SPINK5: variants seen among roughly 807,000 people sequenced by gnomAD.
The protein encoded by SPINK5 is serine protease inhibitor Kazal-type 5.
Under a neutral mutation model 151.8 loss-of-function variants are expected in SPINK5, and 125 were observed. The ratio of observed to expected loss-of-function variants is 0.82; its 90% CI spans 0.71 to 0.96. The LOEUF (loss-of-function observed/expected upper bound fraction) is 0.96, where lower values mean the gene tolerates loss of function less well. SPINK5 is among the 40% of genes least tolerant of loss of function. The probability of loss-of-function intolerance (pLI) is 0.00; values close to 1 mark genes in which losing one functional copy is unlikely to be tolerated. For synonymous variants in SPINK5, 374 were observed against 395.3 expected (o/e 0.95, Z 0.64); for missense variants, 1,194 against 1,291.9 (o/e 0.92, Z 1.16).
At position 148,070,406 on chromosome 5, in the gene SPINK5, T is replaced by G. The variant is rs1419424149; in HGVS notation, c.165T>G (p.Asp55Glu). Residue 55 changes from aspartate (D) to glutamate (E), a missense_variant, in exon 3 of 33, where the codon GAT (aspartate) becomes GAG (glutamate). Physicochemically the swap from Asp to Glu is conservative, Grantham distance 45. Coordinates refer to ENST00000256084, the MANE Select transcript of SPINK5 (RefSeq NM_006846.4). ...PQDKKFFQSL[D>E]GIMFINKCAT... The stretch of plus-strand genomic sequence containing the variant: ...ATAAGAAATTTTTTCAAAGTCTTGA[T>G]GGAATAATGTTCATCAATAAATGTG... The G allele has an allele frequency of 6.2e-7, 1 of 1,612,742 alleles. No homozygotes were observed. The highest frequency in any genetic ancestry group is 1.3e-5 in the African/African-American group (1 of 74,856).
chr5:148,091,081 A>T, intron 7 of SPINK5, 84 bp from the exon 8 acceptor site: 2 of 1,120,700 alleles, frequency 1.8e-6, no homozygotes, highest in Admixed American at 1.8e-5. Context: ...GTAGCAGAGG[A>T]TATGAAAGTG....
chr5:148,094,801 T>A (rs956222190), intron 9 of SPINK5, among the ~76,000 whole-genome samples: 1 of 152,006 alleles, frequency 6.6e-6, no homozygotes, highest in East Asian at 1.9e-4. Context: ...TAAAAGCAGG[T>A]ACCACGACTT....
chr5:148,118,892 GCTGA>G (rs1754173918), intron 23 of SPINK5, 90 bp from the exon 24 acceptor site: 1 of 1,299,878 alleles, frequency 7.7e-7, no homozygotes, highest in East Asian at 2.4e-5. Flanking sequence ...GTTGAAGAAA[GCTGA>G]CTTCTTGTCA....
chr5:148,103,394 G>T (rs964904586), intron 15 of SPINK5, among the ~76,000 whole-genome samples: 3 of 152,128 alleles, frequency 2.0e-5, no homozygotes, highest in Non-Finnish European at 4.4e-5. Context: ...TTGTTGTGGG[G>T]TATAATCACT....
intron 22 of SPINK5, among the ~76,000 whole-genome samples, chr5:148,117,145 CA>C (rs1243331606): frequency 6.6e-6 from 1 of 152,192 alleles, no homozygotes; most frequent in Non-Finnish European, 1.5e-5. Context: ...CTTGGAATAT[CA>C]AAACCATGTC....
intron 26 of SPINK5, among the ~76,000 whole-genome samples, chr5:148,123,547 A>G (rs1490599979): frequency 2.9e-5 from 2 of 69,810 alleles, no homozygotes; most frequent in African/African-American, 9.1e-5. Flanking sequence ...ATATATATAT[A>G]TATAATCTTG....
intron 11 of SPINK5, 151 bp downstream of exon 11, chr5:148,098,145 A>G: frequency 1.3e-6 from 1 of 753,188 alleles, no homozygotes; most frequent in Non-Finnish European, 2.2e-6. Context: ...TAGAGCTGGG[A>G]GTAAGTACCT....
chr5:148,123,445 C>CTCTATATA (rs1554106813), intron 26 of SPINK5, among the ~76,000 whole-genome samples: 1 of 130,354 alleles, frequency 7.7e-6, no homozygotes, highest in Non-Finnish European at 1.6e-5. Flanking sequence ...ATCTATCTAT[C>CTCTATATA]TATATATATA....
intron 14 of SPINK5, 49 bp downstream of exon 14, chr5:148,101,485 C>A: frequency 7.1e-7 from 1 of 1,398,860 alleles, no homozygotes; most frequent in South Asian, 1.2e-5. Flanking sequence ...CCTGAGGATC[C>A]ACAGATCATG....
chr5:148,136,496 A>G (rs1754698246), intron 32 of SPINK5, among the ~76,000 whole-genome samples: 1 of 152,190 alleles, frequency 6.6e-6, no homozygotes, highest in Non-Finnish European at 1.5e-5. Context: ...TTAAATATTC[A>G]TTTAATGTTT....
In SPINK5 at chr5:148,088,464, CAATGTAGAGCAG is replaced by C; in HGVS notation, c.411-77_411-66del. ...TCGGGAGTAAAGGAGAATGACAATG[CAATGTAGAGCAG>C]TTAGGTTTGAATGGTGGGAAGTTCT... On this transcript the variant is annotated intron_variant, in intron 5 of 32. Transcript: ENST00000256084. The C allele has an allele frequency of 1.7e-5, 21 of 1,236,638 alleles. No individual in the cohort carries two copies. The South Asian group carries it at 2.6e-4, about 15-fold the overall frequency. 76.6% of individuals were successfully genotyped at this position (1,236,638 alleles called of 1,614,324 possible). A position where few individuals can be genotyped will look rare whatever the true frequency, so the allele number is the denominator to read the frequency against.
At position 148,101,113 on chromosome 5, in the gene SPINK5, T is replaced by TA. The variant is rs11380717; in HGVS notation, c.1221-241dup. 0.45 allele frequency among the ~76,000 whole-genome samples: 67,827 copies of TA among 151,776 alleles called. 16,465 individuals carry two copies. The highest frequency in any genetic ancestry group is 0.58 in the Admixed American group (8,838 of 15,218). On this transcript the variant is annotated intron_variant, in intron 13 of 32. Coordinates refer to ENST00000256084, the MANE Select transcript of SPINK5 (RefSeq NM_006846.4). ...AGGGTTTAAATCCCAAGTCTGTACT[T>TA]ATTATTTCTATATCTTCAGGTGAGT... is the stretch of plus-strand genomic sequence containing the variant.
chr5:148,069,843 A>G (rs2127188892), intron 2 of SPINK5, among the ~76,000 whole-genome samples: 1 of 152,236 alleles, frequency 6.6e-6, no homozygotes, highest in East Asian at 1.9e-4. Context: ...CCAGATAAAT[A>G]TAACCAAGAA....
Position 148,094,457 on chromosome 5 carries a change from A to T in SPINK5, c.770A>T (p.Lys257Ile). 6.2e-7 allele frequency: 1 copy of T among 1,612,750 alleles called. No individual in the cohort carries two copies. Among genetic ancestry groups the T allele is most frequent in the East Asian group, 2.2e-5 (1 of 44,822 alleles). ...CCTGACGGCAGGATGCATGGCAACAAATGTGCCCTGTGTGCTGAAATTTTG... is the reference window on the plus strand; with the variant it reads ...CCTGACGGCAGGATGCATGGCAACATATGTGCCCTGTGTGCTGAAATTTTG... ...RGPDGRMHGNKCALCAEIFKQ... is the reference protein window; with the variant it reads ...RGPDGRMHGNICALCAEIFKQ... The change falls in exon 9 of 33, where the codon AAA becomes ATA. Residue 257 changes from lysine (K) to isoleucine (I), a missense_variant. Transcript: ENST00000256084.
intron 25 of SPINK5, 49 bp from the exon 26 acceptor site, chr5:148,120,246 T>C (rs1346387852): frequency 1.2e-6 from 2 of 1,606,658 alleles, no homozygotes; most frequent in Non-Finnish European, 1.7e-6. Context: ...TGGTAATTAA[T>C]GAGGCGTTTG....
chr5:148,105,152 T>C, intron 16 of SPINK5, 152 bp downstream of exon 16: 1 of 835,594 alleles, frequency 1.2e-6, no homozygotes, highest in Non-Finnish European at 1.9e-6. Context: ...AGGGTCCTGA[T>C]AAGAAGTGTC....
chr5:148,071,013 T>C (rs552562621), intron 3 of SPINK5, among the ~76,000 whole-genome samples: 2 of 152,230 alleles, frequency 1.3e-5, no homozygotes, highest in Non-Finnish European at 2.9e-5. Context: ...CAGAAAGAAT[T>C]AGTATCCTGG....
chr5:148,113,452 C>T (rs1168261656), intron 20 of SPINK5, among the ~76,000 whole-genome samples: 7 of 152,154 alleles, frequency 4.6e-5, no homozygotes, highest in Non-Finnish European at 8.8e-5. Flanking sequence ...CTTTCTAGTA[C>T]ACTATTTGTT....
intron 3 of SPINK5, among the ~76,000 whole-genome samples, chr5:148,070,897 A>G (rs1470523989): frequency 1.3e-5 from 2 of 152,212 alleles, no homozygotes; most frequent in East Asian, 3.9e-4. Flanking sequence ...GGACTTAAGC[A>G]AGGTATACCC....
Sources: gnomAD v4.1 joint callset for allele counts (sites outside exome capture counted in the v4.1 genomes callset) on GRCh38, gnomAD v4.1.1 for gene constraint, MANE v1.5 for transcripts, NCBI Gene and HGNC (gene_info 2026-07-23, HGNC 2026-07-21) for gene names.